The following GPC3 variants were observed in gnomAD, a reference collection of about 807,000 sequenced individuals.
GPC3 encodes glypican 3, also known as glypican-3.
Under a neutral mutation model 34.4 loss-of-function variants are expected in GPC3, and 3 were observed. That is an observed-to-expected ratio of 0.09 (90% confidence interval 0.04 to 0.23). The LOEUF is 0.23. Ranked by LOEUF, GPC3 falls within the 10% of genes least tolerant of loss-of-function variation. The probability of loss-of-function intolerance (pLI) is 1.00; values close to 1 mark genes in which losing one functional copy is unlikely to be tolerated. For synonymous variants in GPC3, 177 were observed against 174.0 expected, an observed-to-expected ratio of 1.02 and a Z score of -0.13; for missense variants, 351 against 445.6, an observed-to-expected ratio of 0.79 and a Z score of 1.91.
chrX:133,666,280 G>C (rs1188185229), intron 5 of GPC3, among the ~76,000 whole-genome samples: 1 of 111,912 alleles, frequency 8.9e-6, no homozygotes, highest in Non-Finnish European at 1.9e-5. Flanking sequence ...ATTTTTAAAA[G>C]ACAGTTTTGG....
chrX:133,956,490 T>G (rs1368256802), intron 1 of GPC3, among the ~76,000 whole-genome samples: 4 of 112,116 alleles, frequency 3.6e-5, no homozygotes, highest in Non-Finnish European at 7.5e-5. Flanking sequence ...GGGACACATA[T>G]GTAGACATGA....
At chrX:133,953,884 C>T (rs1272877339) in intron 1 of GPC3, among the ~76,000 whole-genome samples, 1 of 111,703 alleles carries the variant, frequency 9.0e-6, no homozygotes, top group African/African-American at 3.3e-5. Context: ...AAAATATAAA[C>T]ATAATGTCAA....
chrX:133,598,959 A>G (rs751604902), intron 6 of GPC3, among the ~76,000 whole-genome samples: 1 of 112,459 alleles, frequency 8.9e-6, no homozygotes, highest in South Asian at 3.7e-4. Flanking sequence ...AGTGGCAGAT[A>G]AAAGTTTAAA....
At chrX:133,596,379 A>AT in intron 7 of GPC3, 61 bp downstream of exon 7, 1 of 1,036,860 alleles carries the variant, frequency 9.6e-7, no homozygotes, top group Non-Finnish European at 1.4e-6. Flanking sequence ...GGTTCAATTT[A>AT]TTTTTAATTC....
At chrX:133,614,954 T>C (rs1172286673) in intron 6 of GPC3, among the ~76,000 whole-genome samples, 1 of 111,154 alleles carries the variant, frequency 9.0e-6, no homozygotes, top group Non-Finnish European at 1.9e-5. Flanking sequence ...TTAGACGAAA[T>C]AGACAAATTC....
chrX:133,685,285 G>A (rs1025836565), intron 5 of GPC3, among the ~76,000 whole-genome samples: 3 of 111,425 alleles, frequency 2.7e-5, no homozygotes, highest in Non-Finnish European at 5.6e-5. Context: ...CTCATGAATT[G>A]GGTGTTCATG....
At chrX:133,538,629 T>G (rs994526092) in intron 7 of GPC3, among the ~76,000 whole-genome samples, 3 of 108,836 alleles carry the variant, frequency 2.8e-5, no homozygotes, top group Non-Finnish European at 5.7e-5. Flanking sequence ...TTTTTTTTTT[T>G]TTTGCCAGTA....
intron 2 of GPC3, among the ~76,000 whole-genome samples, chrX:133,889,646 C>T (rs1437315436): frequency 1.8e-5 from 2 of 108,119 alleles, no homozygotes; most frequent in African/African-American, 6.7e-5. Context: ...TTTTTTACTA[C>T]ACAATACATA....
At chrX:133,793,416 G>A (rs2072188071) in intron 2 of GPC3, among the ~76,000 whole-genome samples, 1 of 111,782 alleles carries the variant, frequency 8.9e-6, no homozygotes, top group African/African-American at 3.3e-5. Flanking sequence ...CATAGGTTTT[G>A]GCTACTGTGA....
intron 3 of GPC3, chrX:133,704,124 G>A: frequency 7.4e-6 from 4 of 537,868 alleles, no homozygotes; most frequent in Non-Finnish European, 1.1e-5. Context: ...TGGGCATCAG[G>A]AAACCTGGCC....
rs1248994816 is a variant in GPC3 at position 133,769,001 on chromosome X, ACACATG to A, written c.338-14831_338-14826del. Among the ~76,000 whole-genome samples, 3 of 111,929 alleles carry A rather than the reference ACACATG, an allele frequency of 2.7e-5. No individual in the cohort carries two copies. The East Asian group carries it at 8.4e-4, about 31-fold the overall frequency. On this transcript the variant is annotated intron_variant, in intron 2 of 7. Coordinates refer to ENST00000370818, the MANE Select transcript of GPC3 (RefSeq NM_004484.4). ...AAATGTTACACGCACATATGCACAC[ACACATG>A]CACATGCACACTCACATGTACACAC...
intron 6 of GPC3, among the ~76,000 whole-genome samples, chrX:133,625,821 G>A (rs1433896349): frequency 5.4e-5 from 6 of 112,049 alleles, no homozygotes; most frequent in Non-Finnish European, 9.4e-5. Context: ...CTACTTTAAA[G>A]TTCATATGGA....
intron 6 of GPC3, among the ~76,000 whole-genome samples, chrX:133,649,073 A>T (rs1197678200): frequency 9.0e-6 from 1 of 111,516 alleles, no homozygotes; most frequent in Non-Finnish European, 1.9e-5. Flanking sequence ...CCCTATGCTC[A>T]GTGCTTGGCA....
Position 133,796,046 on chromosome X carries a change from C to A in GPC3, c.338-41870G>T, listed in dbSNP as rs972651794. Among the ~76,000 whole-genome samples the A allele has an allele frequency of 2.1e-4, 22 of 105,488 alleles. No homozygotes were observed. In the Admixed American group the frequency reaches 2.3e-3, roughly 11 times the overall value. The allele number at this position is 105,488 out of a possible 115,157, so 91.6% of individuals were successfully genotyped here. A position where few individuals can be genotyped will look rare whatever the true frequency, so the allele number is the denominator to read the frequency against. ...CTGCAAGCTCCGCCTCCCGGGTTCA[C>A]GCCATTCTCCTGCCTCAGCCTGCCG... On this transcript the variant is annotated intron_variant, in intron 2 of 7. Transcript: ENST00000370818.
At chrX:133,773,197 G>A (rs937272144) in intron 2 of GPC3, among the ~76,000 whole-genome samples, 6 of 111,072 alleles carry the variant, frequency 5.4e-5, no homozygotes, top group Non-Finnish European at 7.5e-5. Context: ...GATTACAGGC[G>A]CCTGCCACCA....
At chrX:133,647,462 A>T (rs2070556171) in intron 6 of GPC3, among the ~76,000 whole-genome samples, 1 of 112,777 alleles carries the variant, frequency 8.9e-6, no homozygotes, top group Non-Finnish European at 1.9e-5. Flanking sequence ...CCTTGTCAGC[A>T]CATGCTTGAG....
chrX:133,687,451 G>A (rs2071020604), intron 5 of GPC3, among the ~76,000 whole-genome samples: 1 of 94,350 alleles, frequency 1.1e-5, no homozygotes, highest in Non-Finnish European at 2.1e-5. Context: ...GAGTGCAGTG[G>A]CATGATCTCA....
At chrX:133,615,755 C>CA (rs1257051523) in intron 6 of GPC3, among the ~76,000 whole-genome samples, 43 of 84,205 alleles carry the variant, frequency 5.1e-4, no homozygotes, top group African/African-American at 1.3e-3. Flanking sequence ...AGGTATAATA[C>CA]AAAAAAAAAG....
chrX:133,925,701 A>G (rs939845274), intron 2 of GPC3, among the ~76,000 whole-genome samples: 6 of 111,840 alleles, frequency 5.4e-5, no homozygotes. Flanking sequence ...TAAATACAAC[A>G]CTTGCTAACT....
Sources: allele counts gnomAD v4.1 joint callset (sites outside exome capture counted in the v4.1 genomes callset), GRCh38; gene constraint gnomAD v4.1.1; transcripts MANE v1.5; gene names NCBI Gene and HGNC (gene_info 2026-07-23, HGNC 2026-07-21).